Variants in SNX19 observed in about 807,000 individuals in gnomAD.
The protein encoded by SNX19 is sorting nexin-19.
Under a neutral mutation model 85.2 loss-of-function variants are expected in SNX19, and 60 were observed. The ratio of observed to expected loss-of-function variants is 0.70; its 90% CI spans 0.57 to 0.87. The LOEUF is 0.87. Ranked by LOEUF, SNX19 falls within the 40% of genes least tolerant of loss-of-function variation. The pLI is 0.00. For synonymous variants in SNX19, 520 were observed against 470.0 expected (o/e 1.11, Z -1.38); for missense variants, 1,201 against 1,217.8 (o/e 0.99, Z 0.21).
intron 9 of SNX19, among the ~76,000 whole-genome samples, chr11:130,880,126 C>T (rs772434760): frequency 1.3e-5 from 2 of 152,212 alleles, no homozygotes; most frequent in African/African-American, 4.8e-5. Context: ...GGAAAAACAA[C>T]CTTCTCAGAT....
rs186413939 is a variant in SNX19 at position 130,876,827 on chromosome 11, G to C, written c.*1595C>G. 6.6e-5 allele frequency: 10 copies of C among 152,612 alleles called. No individual in the cohort carries two copies. Among genetic ancestry groups the C allele is most frequent in the African/African-American group, 2.2e-4 (9 of 41,556 alleles). 9.5% of individuals were successfully genotyped at this position (152,612 alleles called of 1,614,324 possible). Reference sequence around the variant, plus strand: ...TTTGGAGCCATAAAGTCACTGTAATGGTCAACTTTTAAGGCTAGAAGAGGC... The same window carrying C: ...TTTGGAGCCATAAAGTCACTGTAATCGTCAACTTTTAAGGCTAGAAGAGGC... On this transcript the variant is annotated 3_prime_UTR_variant, in exon 11 of 11. Transcript: ENST00000265909.
rs755520366 is a variant in SNX19, at chr11:130,914,754, CAG to C, written c.1184_1185del (p.Ser395Ter). ...IMLMTPGSFL[S>X]DRIQDALCAL... ...GCACACAGGGCATCCTGAATCCTGT[CAG>C]AGAGAAAGCTGCCTGGAGTCATGAG... On this transcript the variant is annotated frameshift_variant, in exon 1 of 11. Transcript: ENST00000265909. LOFTEE classifies it high-confidence loss of function. The C allele has an allele frequency of 1.2e-6, 2 of 1,614,138 alleles. No individual in the cohort carries two copies. The highest frequency in any genetic ancestry group is 2.2e-5 in the East Asian group (1 of 44,870).
intron 7 of SNX19, 185 bp downstream of exon 7, chr11:130,905,768 G>A (rs547120212): frequency 8.5e-6 from 13 of 1,537,418 alleles, no homozygotes; most frequent in East Asian, 7.3e-5. Context: ...GCTTGATTCC[G>A]CTGTGGCAAC....
Position 130,875,591 on chromosome 11 carries a change from G to A in SNX19, c.*2831C>T, listed in dbSNP as rs1943203562. 1 of 151,278 alleles carries A rather than the reference G, an allele frequency of 6.6e-6. No homozygotes were observed. The highest frequency in any genetic ancestry group is 1.5e-5 in the Non-Finnish European group (1 of 67,874). The allele number at this position is 151,278 out of a possible 1,614,324, so 9.4% of individuals were successfully genotyped here. A position where few individuals can be genotyped will look rare whatever the true frequency, so the allele number is the denominator to read the frequency against. ...TCCAAAATGGAAATTGGAGTAGCTTGTATTGATTTTAAAATTTATACATGC... is the reference window on the plus strand; with the variant it reads ...TCCAAAATGGAAATTGGAGTAGCTTATATTGATTTTAAAATTTATACATGC... On this transcript the variant is annotated 3_prime_UTR_variant, in exon 11 of 11. Transcript: ENST00000265909.
Position 130,878,574 on chromosome 11 carries a change from A to T in SNX19, c.2847-20T>A. The T allele has an allele frequency of 6.2e-7, 1 of 1,611,034 alleles. No individual in the cohort carries two copies. The highest frequency in any genetic ancestry group is 8.5e-7 in the Non-Finnish European group (1 of 1,178,600). On this transcript the variant is annotated intron_variant, in intron 10 of 10. Transcript: ENST00000265909. The stretch of plus-strand genomic sequence containing the variant: ...AAATGCCTGAAACGAATGGACAAAA[A>T]ACTTAGGGTCTGGCTCAATCAGGAA...
chr11:130,909,808 A>G (rs943096092), intron 4 of SNX19, among the ~76,000 whole-genome samples: 17 of 152,214 alleles, frequency 1.1e-4, no homozygotes, highest in Admixed American at 6.5e-4. Flanking sequence ...ACTGTTTCCC[A>G]GCAGCTGTTT....
intron 7 of SNX19, among the ~76,000 whole-genome samples, chr11:130,904,328 C>G (rs560029823): frequency 6.6e-6 from 1 of 152,188 alleles, no homozygotes. Flanking sequence ...GTAGGACAAA[C>G]GGATACTCTC....
intron 8 of SNX19, among the ~76,000 whole-genome samples, chr11:130,890,890 C>CTTTT (rs10678203): frequency 7.7e-5 from 11 of 143,030 alleles, no homozygotes; most frequent in South Asian, 2.2e-4. Flanking sequence ...GGATTTGGGT[C>CTTTT]TTTTTTTTTT....
In SNX19 at chr11:130,879,486, G is replaced by A. The variant is rs1019716641; in HGVS notation, c.2846+138C>T. ...TGTGTGGATCTGGACGTCAAACTCT[G>A]TAGTCAGTGCCCAGAGCAAGTAAAG... On this transcript the variant is annotated intron_variant, in intron 10 of 10. Transcript: ENST00000265909. The A allele has an allele frequency of 7.3e-6, 5 of 684,794 alleles. No homozygotes were observed. The African/African-American group carries it at 9.0e-5, about 12-fold the overall frequency. 42.4% of individuals were successfully genotyped at this position (684,794 alleles called of 1,614,324 possible). A position where few individuals can be genotyped will look rare whatever the true frequency, so the allele number is the denominator to read the frequency against.
In SNX19 at chr11:130,904,177, G is replaced by A. The variant is rs560893782; in HGVS notation, c.2444-793C>T. On this transcript the variant is annotated intron_variant, in intron 7 of 10. Transcript: ENST00000265909. The stretch of plus-strand genomic sequence containing the variant: ...AAATGTATTTTGTGGAAGGAAGCAC[G>A]TGCTGTTTAAACCTGTCCTGGGGTT... Among the ~76,000 whole-genome samples, 36 of 152,322 alleles carry A rather than the reference G, an allele frequency of 2.4e-4. 1 individual carries two copies. In the South Asian group the frequency reaches 6.4e-3, roughly 27 times the overall value.
At position 130,874,798 on chromosome 11, in the gene SNX19, C is replaced by A. The variant is rs1943157713; in HGVS notation, c.*3624G>T. ...CAAAAATGTTCTAGGCTATGCAAAT[C>A]AAAACCATGAGATAGTAATATCACC... On this transcript the variant is annotated 3_prime_UTR_variant, in exon 11 of 11. Transcript: ENST00000265909. Among the ~76,000 whole-genome samples, 1 of 152,134 alleles carries A rather than the reference C, an allele frequency of 6.6e-6. No individual in the cohort carries two copies. The highest frequency in any genetic ancestry group is 6.5e-5 in the Admixed American group (1 of 15,276).
rs1250602327 is a variant in SNX19 at position 130,867,930 on chromosome 11, T to C, written c.*10492A>G. The C allele has an allele frequency of 6.6e-6, 1 of 152,220 alleles. No homozygotes were observed. Among genetic ancestry groups the C allele is most frequent in the African/African-American group, 2.4e-5 (1 of 41,460 alleles). 9.4% of individuals were successfully genotyped at this position (152,220 alleles called of 1,614,324 possible). ...CCAGGCAAATGTGTGTTCCTCCCCA[T>C]TTCACTGCCTTTCCTTTGGGTGGCT... On this transcript the variant is annotated 3_prime_UTR_variant, in exon 11 of 11. Coordinates refer to ENST00000265909, the MANE Select transcript of SNX19 (RefSeq NM_014758.3).
At chr11:130,899,323 T>C (rs538184095) in intron 8 of SNX19, among the ~76,000 whole-genome samples, 2 of 152,306 alleles carry the variant, frequency 1.3e-5, no homozygotes, top group South Asian at 2.1e-4. Context: ...TATGAGACCA[T>C]GGGCCACCAG....
Position 130,873,891 on chromosome 11 carries a change from A to G in SNX19, c.*4531T>C, listed in dbSNP as rs1488735195. 6.6e-6 allele frequency among the ~76,000 whole-genome samples: 1 copy of G among 152,174 alleles called. No individual in the cohort carries two copies. Among genetic ancestry groups the G allele is most frequent in the South Asian group, 2.1e-4 (1 of 4,822 alleles). ...TTGCTAACATCAATTATTTCTGTAGATATCTGACCTTCATGGAAGATGACC... is the reference window on the plus strand; with the variant it reads ...TTGCTAACATCAATTATTTCTGTAGGTATCTGACCTTCATGGAAGATGACC... On this transcript the variant is annotated 3_prime_UTR_variant, in exon 11 of 11. Transcript: ENST00000265909.
At position 130,908,098 on chromosome 11, in the gene SNX19, G is replaced by A. The variant is rs1465739955; in HGVS notation, c.2035-15C>T. 2 of 1,613,288 alleles carry A rather than the reference G, an allele frequency of 1.2e-6. No individual in the cohort carries two copies. Among genetic ancestry groups the A allele is most frequent in the African/African-American group, 2.7e-5 (2 of 74,886 alleles). On this transcript the variant is annotated splice_polypyrimidine_tract_variant and intron_variant, in intron 4 of 10. Coordinates refer to ENST00000265909, the MANE Select transcript of SNX19 (RefSeq NM_014758.3). ...CTCACCACCATCTGCAGGGGTCAGAGGTGCAGGGTCAGTCCATCCACATCC... is the reference window on the plus strand; with the variant it reads ...CTCACCACCATCTGCAGGGGTCAGAAGTGCAGGGTCAGTCCATCCACATCC...
At chr11:130,894,884 C>T (rs1944766145) in intron 8 of SNX19, 1 of 985,310 alleles carries the variant, frequency 1.0e-6, no homozygotes, top group African/African-American at 1.7e-5. Context: ...ACATTTACCT[C>T]TAAATTATCT....
intron 4 of SNX19, among the ~76,000 whole-genome samples, chr11:130,908,694 A>G (rs1945858143): frequency 6.7e-6 from 1 of 150,166 alleles, no homozygotes; most frequent in South Asian, 2.1e-4. Flanking sequence ...GAGTTGTTAT[A>G]ACTTATCTAC....
At chr11:130,913,262 T>A (rs1793373170) in intron 1 of SNX19, among the ~76,000 whole-genome samples, 1 of 152,136 alleles carries the variant, frequency 6.6e-6, no homozygotes, top group Admixed American at 6.6e-5. Context: ...CATCCAGAAT[T>A]AGAACAAAAA....
intron 7 of SNX19, among the ~76,000 whole-genome samples, chr11:130,903,635 A>G (rs913633745): frequency 6.6e-6 from 1 of 151,532 alleles, no homozygotes; most frequent in African/African-American, 2.4e-5. Context: ...TATGTTTTTA[A>G]AAGATATATA....
Sources: allele counts gnomAD v4.1 joint callset (sites outside exome capture counted in the v4.1 genomes callset), GRCh38; gene constraint gnomAD v4.1.1; transcripts MANE v1.5; gene names NCBI Gene and HGNC (gene_info 2026-07-23, HGNC 2026-07-21).